Variants in NEGR1 observed in about 807,000 individuals in gnomAD.
NEGR1 encodes the protein IgLON family member 4.
In NEGR1, 10 loss-of-function variants were observed where a neutral mutation model predicts 40.9. The observed-to-expected ratio is 0.24, with a 90% CI of 0.15 to 0.42. The LOEUF is 0.42. Among genes scored for constraint, NEGR1 ranks in the 10% least tolerant of loss-of-function variants. NEGR1 has a pLI of 1.00. For missense variants in NEGR1, 352 were observed against 438.9 expected, an observed-to-expected ratio of 0.80 and a Z score of 1.77; for synonymous variants, 185 against 166.8, an observed-to-expected ratio of 1.11 and a Z score of -0.84.
intron 1 of NEGR1, among the ~76,000 whole-genome samples, chr1:72,053,964 C>T (rs1348363230): frequency 6.6e-6 from 1 of 150,714 alleles, no homozygotes; most frequent in Non-Finnish European, 1.5e-5. Context: ...GAAGCCGTCT[C>T]TTGTGACAGA....
intron 1 of NEGR1, among the ~76,000 whole-genome samples, chr1:72,067,799 C>T (rs1340026209): frequency 1.3e-5 from 2 of 152,106 alleles, no homozygotes; most frequent in Non-Finnish European, 2.9e-5. Context: ...GAATAAATAG[C>T]TGGTGACCAC....
At chr1:72,197,844 A>G (rs1440215393) in intron 1 of NEGR1, among the ~76,000 whole-genome samples, 2 of 152,074 alleles carry the variant, frequency 1.3e-5, no homozygotes, top group African/African-American at 2.4e-5. Flanking sequence ...TAAAAACAAA[A>G]TAAGACTTTC....
intron 3 of NEGR1, among the ~76,000 whole-genome samples, chr1:71,722,448 T>A (rs1654540051): frequency 6.6e-6 from 1 of 152,094 alleles, no homozygotes; most frequent in Non-Finnish European, 1.5e-5. Context: ...ATTAAGGGTA[T>A]CTTATACTTT....
At chr1:71,885,335 C>T (rs1557688340) in intron 2 of NEGR1, among the ~76,000 whole-genome samples, 1 of 152,190 alleles carries the variant, frequency 6.6e-6, no homozygotes, top group Non-Finnish European at 1.5e-5. Flanking sequence ...TATAGTAGAA[C>T]AAATTAAGAA....
intron 1 of NEGR1, among the ~76,000 whole-genome samples, chr1:72,048,182 C>A (rs1266001198): frequency 2.0e-5 from 3 of 151,596 alleles, no homozygotes; most frequent in Non-Finnish European, 4.4e-5. Flanking sequence ...TTCTTTTTTG[C>A]AGCTTTTCCT....
intron 6 of NEGR1, among the ~76,000 whole-genome samples, chr1:71,434,116 G>T (rs1646488764): frequency 6.6e-6 from 1 of 151,944 alleles, no homozygotes; most frequent in Non-Finnish European, 1.5e-5. Flanking sequence ...AATATATTGA[G>T]AAAGTTTTTG....
chr1:71,916,197 A>G (rs564878176), intron 2 of NEGR1, among the ~76,000 whole-genome samples: 4 of 152,188 alleles, frequency 2.6e-5, no homozygotes, highest in African/African-American at 4.8e-5. Context: ...ATTTATTTAA[A>G]TGTTTATTTT....
rs80129725 is a variant in NEGR1, at chr1:71,716,273, A to T, written c.536-18134T>A. Among the ~76,000 whole-genome samples the T allele has an allele frequency of 3.0e-4, 45 of 152,188 alleles. 1 individual carries two copies. In the East Asian group the frequency reaches 7.6e-3, roughly 26 times the overall value. On this transcript the variant is annotated intron_variant, in intron 3 of 6. Coordinates refer to ENST00000357731, the MANE Select transcript of NEGR1 (RefSeq NM_173808.3). ...CTGGTCTCGCCCTTGCTACATGGAGATTATTAAAATTCAAGGTAAGATTTT... is the reference window on the plus strand; with the variant it reads ...CTGGTCTCGCCCTTGCTACATGGAGTTTATTAAAATTCAAGGTAAGATTTT...
intron 1 of NEGR1, among the ~76,000 whole-genome samples, chr1:72,155,000 G>A (rs1651307509): frequency 6.6e-6 from 1 of 151,804 alleles, no homozygotes; most frequent in African/African-American, 2.4e-5. Context: ...TTGTCCCCTA[G>A]TGAAAAAAAT....
At chr1:71,478,167 C>T (rs1285917033) in intron 6 of NEGR1, among the ~76,000 whole-genome samples, 1 of 152,022 alleles carries the variant, frequency 6.6e-6, no homozygotes. Flanking sequence ...TTAAAAGACA[C>T]AGTTACTGGT....
intron 1 of NEGR1, among the ~76,000 whole-genome samples, chr1:72,043,735 A>G (rs528150182): frequency 5.9e-5 from 9 of 151,996 alleles, no homozygotes; most frequent in African/African-American, 2.2e-4. Context: ...GGTCTGAATG[A>G]CTTTGGACTA....
chr1:71,428,254 A>G (rs1187095097), intron 6 of NEGR1, among the ~76,000 whole-genome samples: 1 of 152,208 alleles, frequency 6.6e-6, no homozygotes, highest in Non-Finnish European at 1.5e-5. Flanking sequence ...CCTTCTGGCT[A>G]GATGACATTA....
At chr1:72,220,973 T>A (rs1369784816) in intron 1 of NEGR1, among the ~76,000 whole-genome samples, 1 of 150,386 alleles carries the variant, frequency 6.6e-6, no homozygotes, top group African/African-American at 2.4e-5. Context: ...AGCTGACATA[T>A]AAAATTACCA....
intron 2 of NEGR1, 21 bp from the exon 3 acceptor site, chr1:71,776,318 G>A: frequency 1.3e-6 from 2 of 1,482,620 alleles, no homozygotes; most frequent in Admixed American, 2.0e-5. Context: ...AAAATACGCA[G>A]TGATTAGAAA....
intron 2 of NEGR1, among the ~76,000 whole-genome samples, chr1:71,849,247 A>G (rs1659524840): frequency 6.6e-6 from 1 of 152,218 alleles, no homozygotes. Context: ...AAAGAAGGTC[A>G]AAACATCAAC....
chr1:71,496,981 C>T (rs370929999), intron 6 of NEGR1, among the ~76,000 whole-genome samples: 50 of 152,270 alleles, frequency 3.3e-4, no homozygotes, highest in African/African-American at 1.2e-3. Context: ...TTTTGATGTG[C>T]TTAATCTGGT....
intron 6 of NEGR1, among the ~76,000 whole-genome samples, chr1:71,547,572 C>T (rs182203499): frequency 7.5e-4 from 114 of 151,748 alleles, no homozygotes; most frequent in Admixed American, 2.0e-3. Flanking sequence ...AAAGATATTT[C>T]GAGATGTCAA....
At chr1:72,257,973 A>G (rs1306793675) in intron 1 of NEGR1, among the ~76,000 whole-genome samples, 2 of 152,168 alleles carry the variant, frequency 1.3e-5, no homozygotes, top group Non-Finnish European at 2.9e-5. Flanking sequence ...CAAAGATGAG[A>G]TAAGAAGTGT....
At chr1:72,093,065 G>A (rs1400814244) in intron 1 of NEGR1, among the ~76,000 whole-genome samples, 3 of 151,982 alleles carry the variant, frequency 2.0e-5, no homozygotes, top group Non-Finnish European at 4.4e-5. Flanking sequence ...GGGTACGGTG[G>A]CTCATACCTG....
Sources: allele counts gnomAD v4.1 joint callset (sites outside exome capture counted in the v4.1 genomes callset), GRCh38; gene constraint gnomAD v4.1.1; transcripts MANE v1.5; gene names NCBI Gene and HGNC (gene_info 2026-07-23, HGNC 2026-07-21).